The following KMT2C variants were observed in gnomAD, a reference collection of about 807,000 sequenced individuals.
KMT2C encodes lysine methyltransferase 2C, also known as histone-lysine N-methyltransferase 2C.
KMT2C carries 88 observed loss-of-function variants against 507.9 expected under a neutral mutation model. The ratio of observed to expected loss-of-function variants is 0.17; its 90% confidence interval spans 0.15 to 0.21. KMT2C has a LOEUF of 0.21. Ranked by LOEUF, KMT2C falls within the 10% of genes least tolerant of loss-of-function variation. KMT2C has a pLI of 1.00. For synonymous variants in KMT2C, 2,049 were observed against 2,080.8 expected (o/e 0.98, Z 0.42); for missense variants, 4,954 against 5,957.8 (o/e 0.83, Z 5.55).
At chr7:152,337,008 T>C (rs1400421239) in intron 2 of KMT2C, among the ~76,000 whole-genome samples, 1 of 152,090 alleles carries the variant, frequency 6.6e-6, no homozygotes, top group African/African-American at 2.4e-5. Flanking sequence ...ACCTAATCAT[T>C]GACCTGGCGT....
chr7:152,375,395 T>C (rs1006819150), intron 1 of KMT2C, among the ~76,000 whole-genome samples: 68 of 151,932 alleles, frequency 4.5e-4, no homozygotes, highest in African/African-American at 1.6e-3. Context: ...AACAAGTCTT[T>C]TTTTTTTTGA....
chr7:152,323,068 A>G (rs2096786468), intron 3 of KMT2C, among the ~76,000 whole-genome samples: 1 of 152,036 alleles, frequency 6.6e-6, no homozygotes, highest in Non-Finnish European at 1.5e-5. Flanking sequence ...AGTCCTGTAC[A>G]TTGCTGTGGG....
intron 9 of KMT2C, among the ~76,000 whole-genome samples, chr7:152,262,514 C>G (rs546681218): frequency 6.6e-6 from 1 of 152,178 alleles, no homozygotes; most frequent in East Asian, 1.9e-4. Flanking sequence ...ATGAGCTCAT[C>G]GGCATTTTTT....
intron 4 of KMT2C, among the ~76,000 whole-genome samples, chr7:152,313,224 GTTATT>G (rs1447668104): frequency 6.7e-6 from 1 of 150,246 alleles, no homozygotes; most frequent in Non-Finnish European, 1.5e-5. Flanking sequence ...ACAAATCATT[GTTATT>G]TTATTGGGAG....
chr7:152,204,641 A>G (rs969833781), intron 25 of KMT2C, among the ~76,000 whole-genome samples: 2 of 151,990 alleles, frequency 1.3e-5, no homozygotes, highest in African/African-American at 2.4e-5. Flanking sequence ...ATAGATAGAC[A>G]GACAGATACA....
At chr7:152,270,455 G>T (rs928951650) in intron 7 of KMT2C, among the ~76,000 whole-genome samples, 2 of 152,156 alleles carry the variant, frequency 1.3e-5, no homozygotes, top group Non-Finnish European at 2.9e-5. Flanking sequence ...ATTGCAGACC[G>T]AATAGAACCC....
chr7:152,147,707 C>CAAAAAAAAAAAAAAAAA (rs762588729), intron 52 of KMT2C, among the ~76,000 whole-genome samples: 5 of 46,720 alleles, frequency 1.1e-4, no homozygotes, highest in African/African-American at 3.9e-4. Flanking sequence ...AACTCCGTCT[C>CAAAAAAAAAAAAAAAAA]AAAAAAAAAA....
At position 152,135,649 on chromosome 7, in the gene KMT2C, C is replaced by A. The variant is rs1193366183; in HGVS notation, c.*1183G>T. 4.4e-6 allele frequency: 1 copy of A among 226,228 alleles called. No homozygotes were observed. The highest frequency in any genetic ancestry group is 2.2e-5 in the African/African-American group (1 of 44,856). 14.0% of individuals were successfully genotyped at this position (226,228 alleles called of 1,614,324 possible). ...AAAGTTCTAATCAAAACTACTTTTG[C>A]TGAAGAAAAAATTCAGCCTCCATTT... On this transcript the variant is annotated 3_prime_UTR_variant, in exon 59 of 59. Transcript: ENST00000262189.
Position 152,179,852 on chromosome 7 carries a change from A to G in KMT2C, c.7424T>C (p.Met2475Thr), listed in dbSNP as rs1370973993. Residue 2475 changes from methionine (M) to threonine (T), a missense_variant, in exon 37 of 59, where the codon ATG (methionine) becomes ACG (threonine). This residue lies in a region of KMT2C where 1,689 missense variants were observed against 1,654.3 expected (regional missense o/e 1.02). Coordinates refer to ENST00000262189, the MANE Select transcript of KMT2C (RefSeq NM_170606.3). ...GCATTACCTAAATCCATGAGGTCTC[A>G]TCCCCATACTAGCAACATCAGGAGG... ...PYPPDVASMG[M>T]RPHGFRFGFP... 2 of 1,613,978 alleles carry G rather than the reference A, an allele frequency of 1.2e-6. No individual in the cohort carries two copies. Among genetic ancestry groups the G allele is most frequent in the South Asian group, 2.2e-5 (2 of 91,064 alleles).
intron 9 of KMT2C, among the ~76,000 whole-genome samples, chr7:152,257,240 C>T (rs1462802208): frequency 6.6e-6 from 1 of 152,078 alleles, no homozygotes; most frequent in Non-Finnish European, 1.5e-5. Context: ...GATTTTATTA[C>T]ACGAAAAAAG....
At chr7:152,245,369 C>G (rs1218937831) in intron 14 of KMT2C, among the ~76,000 whole-genome samples, 1 of 152,186 alleles carries the variant, frequency 6.6e-6, no homozygotes, top group Non-Finnish European at 1.5e-5. Context: ...ACTTCTAATG[C>G]AGCTAGCCAG....
In KMT2C at chr7:152,255,109, T is replaced by TATATATATATATATATATATATA. The variant is rs1588626891; in HGVS notation, c.1300-2395_1300-2394insTATATATATATATATATATATAT. Among the ~76,000 whole-genome samples the TATATATATATATATATATATATA allele has an allele frequency of 1.4e-4, 11 of 78,342 alleles. 1 individual carries two copies. The highest frequency in any genetic ancestry group is 2.4e-4 in the Non-Finnish European group (9 of 37,268). 51.4% of individuals were successfully genotyped at this position (78,342 alleles called of 152,430 possible). On this transcript the variant is annotated intron_variant, in intron 9 of 58. Coordinates refer to ENST00000262189, the MANE Select transcript of KMT2C (RefSeq NM_170606.3). ...AATCAAGATGTCAATCAACTCTCAC[T>TATATATATATATATATATATATA]TATATATATATATATATATATATAT... is the stretch of plus-strand genomic sequence containing the variant.
Position 152,263,415 on chromosome 7 carries a change from T to TA in KMT2C, c.1185-286dup, listed in dbSNP as rs947844255. On this transcript the variant is annotated intron_variant, in intron 8 of 58. Coordinates refer to ENST00000262189, the MANE Select transcript of KMT2C (RefSeq NM_170606.3). ...ATGAATAGCCTCTGATCTTTACTTT[T>TA]AAAATAGAATTTTTGAGAGGAAGGT... 4.1e-4 allele frequency among the ~76,000 whole-genome samples: 62 copies of TA among 152,330 alleles called. 1 individual carries two copies. The highest frequency in any genetic ancestry group is 1.4e-3 in the African/African-American group (60 of 41,578).
intron 3 of KMT2C, among the ~76,000 whole-genome samples, chr7:152,322,062 A>AT (rs1563854834): frequency 6.6e-6 from 1 of 151,786 alleles, no homozygotes; most frequent in Non-Finnish European, 1.5e-5. Flanking sequence ...TGGCACCAAA[A>AT]AAAAAAAAAC....
In KMT2C at chr7:152,155,646, T is replaced by C. The variant is rs138699384; in HGVS notation, c.11960+264A>G. Among the ~76,000 whole-genome samples, 5 of 152,322 alleles carry C rather than the reference T, an allele frequency of 3.3e-5. No homozygotes were observed. The East Asian group carries it at 7.7e-4, about 23-fold the overall frequency. On this transcript the variant is annotated intron_variant, in intron 46 of 58. Coordinates refer to ENST00000262189, the MANE Select transcript of KMT2C (RefSeq NM_170606.3). ...CACTACCTTCATGTCTATTAGATTA[T>C]TTAATTAGATTAAATAATCTAATAC...
At chr7:152,199,699 T>C (rs1188350930) in intron 26 of KMT2C, among the ~76,000 whole-genome samples, 1 of 152,184 alleles carries the variant, frequency 6.6e-6, no homozygotes, top group Non-Finnish European at 1.5e-5. Context: ...ATTATGGAAA[T>C]AAAACCACAC....
At chr7:152,368,112 C>A in intron 1 of KMT2C, 2 of 939,794 alleles carry the variant, frequency 2.1e-6, no homozygotes, top group Non-Finnish European at 3.5e-6. Context: ...GTAATACTAT[C>A]ATTGAAGTTA....
intron 25 of KMT2C, among the ~76,000 whole-genome samples, chr7:152,203,749 G>C (rs949381685): frequency 6.6e-6 from 1 of 152,028 alleles, no homozygotes; most frequent in African/African-American, 2.4e-5. Context: ...AATCAATATG[G>C]GCACTCTACC....
chr7:152,275,445 G>A (rs984199289), intron 6 of KMT2C, among the ~76,000 whole-genome samples: 1 of 152,192 alleles, frequency 6.6e-6, no homozygotes, highest in Admixed American at 6.5e-5. Flanking sequence ...TTGGGAGGCT[G>A]AAGCAGGAGA....
Sources: gnomAD v4.1 joint callset for allele counts (sites outside exome capture counted in the v4.1 genomes callset) on GRCh38, gnomAD v4.1.1 for gene constraint, gnomAD v4.1.1 regional missense constraint, MANE v1.5 for transcripts, NCBI Gene and HGNC (gene_info 2026-07-23, HGNC 2026-07-21) for gene names.